SCMH1: variants seen among roughly 807,000 people sequenced by gnomAD.
The protein encoded by SCMH1 is Scm polycomb group protein homolog 1.
Under a neutral mutation model 70.8 loss-of-function variants are expected in SCMH1, and 37 were observed. That is an observed-to-expected ratio of 0.52 (90% CI 0.40 to 0.69). The LOEUF is 0.69. Among genes scored for constraint, SCMH1 ranks in the 30% least tolerant of loss-of-function variants. The pLI, the probability that SCMH1 is intolerant of heterozygous loss-of-function variation, is 0.00. For synonymous variants in SCMH1, 292 were observed against 307.4 expected (o/e 0.95, Z 0.52); for missense variants, 607 against 827.3 (o/e 0.73, Z 3.27).
At chr1:41,122,243 T>C (rs1672129015) in intron 6 of SCMH1, among the ~76,000 whole-genome samples, 1 of 152,162 alleles carries the variant, frequency 6.6e-6, no homozygotes, top group Non-Finnish European at 1.5e-5. Flanking sequence ...CTCTTATCAC[T>C]CCCTTGTACC....
intron 1 of SCMH1, among the ~76,000 whole-genome samples, chr1:41,213,396 G>A (rs1349387773): frequency 6.6e-6 from 1 of 152,070 alleles, no homozygotes; most frequent in Non-Finnish European, 1.5e-5. Flanking sequence ...AATATTTTAA[G>A]CTGAAGGAAT....
At chr1:41,075,391 T>C in exon 9 of SCMH1, 1 of 1,614,130 alleles carries the variant, frequency 6.2e-7, no homozygotes, top group Non-Finnish European at 8.5e-7. Flanking sequence ...GGTGCTGCTG[T>C]GGATGCTGGG....
chr1:41,225,248 C>A (rs1011239662), intron 1 of SCMH1, among the ~76,000 whole-genome samples: 5 of 152,176 alleles, frequency 3.3e-5, no homozygotes, highest in African/African-American at 1.2e-4. Flanking sequence ...CTTGCATTTT[C>A]TAAGACACAT....
At chr1:41,057,332 C>G (rs1650753177) in intron 10 of SCMH1, among the ~76,000 whole-genome samples, 1 of 152,132 alleles carries the variant, frequency 6.6e-6, no homozygotes, top group South Asian at 2.1e-4. Flanking sequence ...GTGGCATGAT[C>G]TCGGCTCCCT....
At chr1:41,193,549 T>C (rs770915501) in intron 1 of SCMH1, among the ~76,000 whole-genome samples, 1 of 151,980 alleles carries the variant, frequency 6.6e-6, no homozygotes, top group Non-Finnish European at 1.5e-5. Flanking sequence ...GAAAGCTTCA[T>C]GGAGGAGATG....
intron 2 of SCMH1, among the ~76,000 whole-genome samples, chr1:41,169,340 T>C (rs1299702449): frequency 1.3e-5 from 2 of 152,186 alleles, no homozygotes; most frequent in East Asian, 3.8e-4. Context: ...GGCTGCCAAG[T>C]AGCTGCTGGA....
At chr1:41,207,777 C>T (rs895885287) in intron 1 of SCMH1, among the ~76,000 whole-genome samples, 8 of 152,152 alleles carry the variant, frequency 5.3e-5, no homozygotes, top group Non-Finnish European at 1.0e-4. Flanking sequence ...AAAGTGACCA[C>T]AGGTGCTGGA....
At chr1:41,204,848 G>C (rs1194375741) in intron 1 of SCMH1, among the ~76,000 whole-genome samples, 1 of 152,164 alleles carries the variant, frequency 6.6e-6, no homozygotes, top group Non-Finnish European at 1.5e-5. Flanking sequence ...AGTGCCTGGT[G>C]TAAGAGGAGA....
Position 41,142,929 on chromosome 1 carries a change from G to A in SCMH1, c.361C>T (p.Gln121Ter), listed in dbSNP as rs146604562. ...TTCTTTTCACAGTTCCCAATAGGCT[G>A]GATTTCAGCTGAGTCAACCAGCCGC... Residue 121 changes from glutamine (Q) to a stop codon, truncating the protein, a stop_gained, in exon 6 of 15, where the codon CAG (glutamine) becomes TAG (stop). Transcript: ENST00000337495. LOFTEE classifies it high-confidence loss of function. 4 of 1,614,046 alleles carry A rather than the reference G, an allele frequency of 2.5e-6. No individual in the cohort carries two copies. The highest frequency in any genetic ancestry group is 3.4e-6 in the Non-Finnish European group (4 of 1,180,026).
chr1:41,152,741 G>A (rs1572656686), intron 4 of SCMH1: 2 of 1,603,754 alleles, frequency 1.2e-6, no homozygotes, highest in Non-Finnish European at 8.5e-7. Context: ...AGCACTAGAT[G>A]CTGGGAATAA....
At chr1:41,086,929 A>G (rs1661873008) in intron 8 of SCMH1, among the ~76,000 whole-genome samples, 1 of 151,182 alleles carries the variant, frequency 6.6e-6, no homozygotes, top group African/African-American at 2.4e-5. Context: ...AGCAGAAACC[A>G]TAACAATAAC....
At chr1:41,131,651 C>A (rs1674745804) in intron 6 of SCMH1, among the ~76,000 whole-genome samples, 1 of 152,054 alleles carries the variant, frequency 6.6e-6, no homozygotes, top group Non-Finnish European at 1.5e-5. Context: ...TTTGCTGCAC[C>A]CATCAACTCG....
chr1:41,204,208 T>C (rs1009778735), intron 1 of SCMH1, among the ~76,000 whole-genome samples: 6 of 152,204 alleles, frequency 3.9e-5, no homozygotes, highest in African/African-American at 1.2e-4. Flanking sequence ...TCTTGTCTCT[T>C]AGGCTTAGGA....
intron 1 of SCMH1, among the ~76,000 whole-genome samples, chr1:41,200,389 A>G (rs890813072): frequency 6.6e-6 from 1 of 152,066 alleles, no homozygotes; most frequent in African/African-American, 2.4e-5. Context: ...CTGAGGCAGG[A>G]GAATGGCGTG....
chr1:41,125,558 AT>A (rs1249820913), intron 6 of SCMH1, among the ~76,000 whole-genome samples: 4 of 148,616 alleles, frequency 2.7e-5, no homozygotes, highest in Non-Finnish European at 5.9e-5. Context: ...TGTAAAGGAG[AT>A]TTCTTCCCTC....
intron 6 of SCMH1, among the ~76,000 whole-genome samples, chr1:41,118,030 AG>A (rs1670989499): frequency 6.6e-6 from 1 of 152,262 alleles, no homozygotes; most frequent in Admixed American, 6.5e-5. Flanking sequence ...CTCCGCACAC[AG>A]GGAGAAAACC....
At chr1:41,034,634 C>CT (rs1009720597) in intron 13 of SCMH1, among the ~76,000 whole-genome samples, 4 of 152,066 alleles carry the variant, frequency 2.6e-5, no homozygotes, top group Non-Finnish European at 5.9e-5. Flanking sequence ...GCCGAGGTGA[C>CT]TTTTTTTCAT....
chr1:41,215,961 G>C (rs1340700001), intron 1 of SCMH1, among the ~76,000 whole-genome samples: 1 of 152,146 alleles, frequency 6.6e-6, no homozygotes, highest in Non-Finnish European at 1.5e-5. Flanking sequence ...TTTCAAAGGG[G>C]AAAAAAGCCT....
chr1:41,181,899 C>T (rs1347781990), intron 2 of SCMH1, among the ~76,000 whole-genome samples: 8 of 152,114 alleles, frequency 5.3e-5, no homozygotes, highest in Non-Finnish European at 1.0e-4. Context: ...CACATGCACA[C>T]GTATGTTTAT....
Sources: gnomAD v4.1 joint callset for allele counts (sites outside exome capture counted in the v4.1 genomes callset) on GRCh38, gnomAD v4.1.1 for gene constraint, MANE v1.5 for transcripts, NCBI Gene and HGNC (gene_info 2026-07-23, HGNC 2026-07-21) for gene names.